Variants in FGD6 observed in about 807,000 individuals in gnomAD.
FGD6 encodes FYVE, RhoGEF and PH domain-containing protein 6.
A neutral mutation model predicts 149.4 loss-of-function variants in FGD6; 90 were observed. That is an observed-to-expected ratio of 0.60 (90% CI 0.51 to 0.72). The LOEUF (loss-of-function observed/expected upper bound fraction) is 0.72, where lower values mean the gene tolerates loss of function less well. Among genes scored for constraint, FGD6 ranks in the 30% least tolerant of loss-of-function variants. FGD6 has a pLI of 0.00. For missense variants in FGD6, 1,437 were observed against 1,684.8 expected (o/e 0.85, Z 2.57); for synonymous variants, 527 against 584.0 (o/e 0.90, Z 1.41).
intron 3 of FGD6, among the ~76,000 whole-genome samples, chr12:95,163,561 T>C (rs1880708617): frequency 6.6e-6 from 1 of 152,208 alleles, no homozygotes; most frequent in African/African-American, 2.4e-5. Context: ...GCAATTAATA[T>C]TTACGAATAA....
intron 3 of FGD6, among the ~76,000 whole-genome samples, chr12:95,165,959 T>A (rs1880799850): frequency 1.3e-5 from 2 of 148,946 alleles, no homozygotes; most frequent in Admixed American, 6.7e-5. Flanking sequence ...TTTTTTCTTT[T>A]TCTGTTTTTT....
At chr12:95,128,207 T>C (rs1335046569) in intron 8 of FGD6, among the ~76,000 whole-genome samples, 2 of 152,186 alleles carry the variant, frequency 1.3e-5, no homozygotes, top group East Asian at 3.8e-4. Flanking sequence ...GAGTATCTTT[T>C]GTGACTGCTA....
chr12:95,216,861 A>G (rs2056811792), intron 1 of FGD6, among the ~76,000 whole-genome samples: 1 of 151,872 alleles, frequency 6.6e-6, no homozygotes, highest in Non-Finnish European at 1.5e-5. Flanking sequence ...GCCTTTACCT[A>G]TAATAACTGA....
intron 2 of FGD6, among the ~76,000 whole-genome samples, chr12:95,205,179 GATCACT>G (rs2056686981): frequency 6.6e-6 from 1 of 151,592 alleles, no homozygotes; most frequent in Admixed American, 6.6e-5. Flanking sequence ...GAGATGGGAG[GATCACT>G]TAACCCCAGG....
intron 8 of FGD6, among the ~76,000 whole-genome samples, 191 bp from the exon 9 acceptor site, chr12:95,113,892 A>T (rs755620014): frequency 3.9e-4 from 60 of 152,330 alleles, no homozygotes; most frequent in Non-Finnish European, 7.8e-4. Flanking sequence ...AGTCAGAGCT[A>T]GAAAAAGCCT....
intron 14 of FGD6, among the ~76,000 whole-genome samples, chr12:95,100,198 C>T (rs1878378675): frequency 6.6e-6 from 1 of 152,096 alleles, no homozygotes; most frequent in Admixed American, 6.6e-5. Flanking sequence ...TATGTATCTC[C>T]CACTTTAGAA....
chr12:95,093,581 CAGG>C (rs1388416655), intron 15 of FGD6, among the ~76,000 whole-genome samples: 2 of 151,390 alleles, frequency 1.3e-5, no homozygotes, highest in Admixed American at 6.6e-5. Context: ...GAGACTGAAG[CAGG>C]AGAATTGCTT....
At chr12:95,102,357 T>A (rs1878467806) in intron 14 of FGD6, among the ~76,000 whole-genome samples, 1 of 147,630 alleles carries the variant, frequency 6.8e-6, no homozygotes, top group Admixed American at 6.9e-5. Flanking sequence ...GGCACAAGGA[T>A]CGCTTGAAGC....
At chr12:95,134,585 T>C (rs1288477565) in intron 8 of FGD6, among the ~76,000 whole-genome samples, 154 bp downstream of exon 8, 3 of 152,150 alleles carry the variant, frequency 2.0e-5, no homozygotes, top group African/African-American at 7.2e-5. Flanking sequence ...GCAACGTATA[T>C]GTAAAGTATA....
intron 9 of FGD6, among the ~76,000 whole-genome samples, chr12:95,108,926 A>G (rs1450200511): frequency 6.6e-6 from 1 of 152,238 alleles, no homozygotes; most frequent in Non-Finnish European, 1.5e-5. Context: ...TTCACCTGGA[A>G]GATAAGGACC....
At chr12:95,156,251 T>C (rs1158961232) in intron 3 of FGD6, among the ~76,000 whole-genome samples, 1 of 152,216 alleles carries the variant, frequency 6.6e-6, no homozygotes, top group African/African-American at 2.4e-5. Flanking sequence ...CATATTTCTA[T>C]TCTTTCAAAA....
At chr12:95,138,729 T>C (rs1879756490) in intron 6 of FGD6, among the ~76,000 whole-genome samples, 2 of 152,266 alleles carry the variant, frequency 1.3e-5, no homozygotes, top group South Asian at 4.1e-4. Context: ...TCTACATGCC[T>C]GGAAATATAG....
chr12:95,172,037 G>GGC (rs530942386), intron 3 of FGD6, among the ~76,000 whole-genome samples: 1 of 51,910 alleles, frequency 1.9e-5, no homozygotes, highest in Non-Finnish European at 3.7e-5. Flanking sequence ...CAATTCTAAG[G>GGC]GGGGGGGGGT....
At chr12:95,107,778 A>G in intron 11 of FGD6, 147 bp from the exon 12 acceptor site, 1 of 758,860 alleles carries the variant, frequency 1.3e-6, no homozygotes, top group Non-Finnish European at 2.2e-6. Context: ...AGTCATAGTT[A>G]ATTTTAAACC....
intron 3 of FGD6, among the ~76,000 whole-genome samples, chr12:95,167,512 C>T (rs1880855597): frequency 6.6e-6 from 1 of 150,952 alleles, no homozygotes; most frequent in Non-Finnish European, 1.5e-5. Flanking sequence ...TTATTGGCCA[C>T]TGTATATCTT....
chr12:95,201,885 A>C (rs542850201), intron 2 of FGD6, among the ~76,000 whole-genome samples: 10 of 152,150 alleles, frequency 6.6e-5, no homozygotes, highest in African/African-American at 2.4e-4. Flanking sequence ...ATAATAATGC[A>C]ATCTTTTATT....
chr12:95,127,048 A>T (rs1167624132), intron 8 of FGD6, among the ~76,000 whole-genome samples: 1 of 152,112 alleles, frequency 6.6e-6, no homozygotes, highest in African/African-American at 2.4e-5. Flanking sequence ...GAACTACCTT[A>T]TATCAGACAC....
In FGD6 at chr12:95,210,446, T is replaced by C; in HGVS notation, c.838A>G (p.Arg280Gly). The part of the protein sequence containing the change: ...SELEALENGK[R>G]STLISSDGVS... ...CCATCTGAAGATATTAAAGTACTCC[T>C]TTTCCCATTTTCCAGAGCCTCTAGT... Residue 280 changes from arginine (R) to glycine (G), a missense_variant, in exon 2 of 21, where the codon AGG (arginine) becomes GGG (glycine). Arg to Gly is a moderately radical substitution (Grantham distance 125, BLOSUM62 -2). This residue lies in a region of FGD6 where 1,055 missense variants were observed against 1,146.0 expected (regional missense o/e 0.92). Coordinates refer to ENST00000343958, the MANE Select transcript of FGD6 (RefSeq NM_018351.4). 6.2e-7 allele frequency: 1 copy of C among 1,614,100 alleles called. No homozygotes were observed. Among genetic ancestry groups the C allele is most frequent in the Non-Finnish European group, 8.5e-7 (1 of 1,180,014 alleles).
At chr12:95,211,730 G>A (rs1421589431) in intron 1 of FGD6, among the ~76,000 whole-genome samples, 1 of 151,872 alleles carries the variant, frequency 6.6e-6, no homozygotes, top group African/African-American at 2.4e-5. Flanking sequence ...AGTAGAGATG[G>A]GGTTTCACCA....
Sources: allele counts gnomAD v4.1 joint callset (sites outside exome capture counted in the v4.1 genomes callset), GRCh38; gene constraint gnomAD v4.1.1; regional missense constraint gnomAD v4.1.1; transcripts MANE v1.5; gene names NCBI Gene and HGNC (gene_info 2026-07-23, HGNC 2026-07-21).